The following RNF149 variants were observed in gnomAD, a reference collection of about 807,000 sequenced individuals.
RNF149 encodes the protein E3 ubiquitin-protein ligase RNF149.
RNF149 carries 21 observed loss-of-function variants against 39.0 expected under a neutral mutation model. The observed-to-expected ratio is 0.54, with a 90% confidence interval of 0.38 to 0.77. RNF149 has a LOEUF of 0.77. RNF149 is among the 30% of genes least tolerant of loss of function. RNF149 has a pLI of 0.00. For missense variants in RNF149, 493 were observed against 534.9 expected (o/e 0.92, Z 0.77); for synonymous variants, 209 against 213.6 (o/e 0.98, Z 0.19).
At chr2:101,280,521 C>T (rs181537227) in intron 6 of RNF149, among the ~76,000 whole-genome samples, 1 of 152,096 alleles carries the variant, frequency 6.6e-6, no homozygotes, top group Admixed American at 6.5e-5. Context: ...CTTTACAATC[C>T]TAACATAAGA....
intron 1 of RNF149, among the ~76,000 whole-genome samples, chr2:101,295,635 C>T (rs538115002): frequency 3.4e-5 from 5 of 145,220 alleles, no homozygotes; most frequent in Middle Eastern, 3.8e-3. Context: ...CACTCCAGCC[C>T]GGGCGACAGT....
At chr2:101,299,528 T>C (rs977852793) in intron 1 of RNF149, among the ~76,000 whole-genome samples, 1 of 152,224 alleles carries the variant, frequency 6.6e-6, no homozygotes, top group African/African-American at 2.4e-5. Flanking sequence ...GATGGTTATA[T>C]CTGATATAAC....
intron 1 of RNF149, among the ~76,000 whole-genome samples, chr2:101,300,380 G>C (rs1226233322): frequency 6.6e-6 from 1 of 152,184 alleles, no homozygotes; most frequent in Non-Finnish European, 1.5e-5. Flanking sequence ...CTCAAGGCTG[G>C]GGGTGGGGGA....
intron 5 of RNF149, 38 bp from the exon 6 acceptor site, chr2:101,282,095 C>T (rs750990141): frequency 2.5e-6 from 4 of 1,595,906 alleles, no homozygotes; most frequent in Non-Finnish European, 3.4e-6. Context: ...ATGATCAAAG[C>T]TTAAAACATG....
At chr2:101,306,836 C>G (rs1039369723) in intron 1 of RNF149, among the ~76,000 whole-genome samples, 10 of 152,190 alleles carry the variant, frequency 6.6e-5, no homozygotes, top group African/African-American at 2.4e-4. Flanking sequence ...TTTCTGTCCT[C>G]ACTTCACTGT....
chr2:101,295,128 A>G lies in RNF149; in HGVS notation c.514T>C (p.Leu172=), dbSNP rs775431524. Residue 172 remains leucine, a synonymous_variant, in exon 2 of 7, where the codon TTG becomes CTG. Transcript: ENST00000295317. ...MISYPKGREI[L]ELVQKGIPVT... ...GGAATTCCTTTTTGCACCAGCTCCA[A>G]AATTTCTCTTCCTTTTGGATAGCTA... The G allele has an allele frequency of 1.2e-6, 2 of 1,614,132 alleles. No individual in the cohort carries two copies. Among genetic ancestry groups the G allele is most frequent in the Non-Finnish European group, 1.7e-6 (2 of 1,179,960 alleles).
intron 1 of RNF149, among the ~76,000 whole-genome samples, chr2:101,297,030 G>A (rs1339129271): frequency 6.6e-6 from 1 of 152,082 alleles, no homozygotes; most frequent in South Asian, 2.1e-4. Context: ...CCAAAATGGC[G>A]AAACCCCGTC....
At chr2:101,296,490 A>G (rs1354796902) in intron 1 of RNF149, among the ~76,000 whole-genome samples, 1 of 152,244 alleles carries the variant, frequency 6.6e-6, no homozygotes, top group Non-Finnish European at 1.5e-5. Flanking sequence ...TAATTAAAAC[A>G]TTGTGGCTGT....
chr2:101,295,842 T>C (rs1683211633), intron 1 of RNF149, among the ~76,000 whole-genome samples: 1 of 149,478 alleles, frequency 6.7e-6, no homozygotes, highest in African/African-American at 2.5e-5. Context: ...CAAACATTAG[T>C]AATAAACAAC....
downstream of RNF149, among the ~76,000 whole-genome samples, chr2:101,275,109 C>CTTTTTT (rs1323054424): frequency 4.9e-5 from 4 of 82,464 alleles, no homozygotes; most frequent in South Asian, 4.3e-4. Flanking sequence ...CCTAGTATTT[C>CTTTTTT]TGTTTTTTTT....
intron 1 of RNF149, among the ~76,000 whole-genome samples, chr2:101,305,962 T>C (rs1403853583): frequency 1.3e-5 from 2 of 152,186 alleles, no homozygotes; most frequent in African/African-American, 4.8e-5. Flanking sequence ...CTTTAAATTG[T>C]TTCGTTGGTC....
intron 1 of RNF149, chr2:101,307,918 A>G (rs915829941): frequency 2.0e-6 from 2 of 985,342 alleles, no homozygotes; most frequent in East Asian, 1.1e-4. Context: ...AAAGGCGAAG[A>G]TCACATCTTG....
At chr2:101,275,432 T>C (rs1279155843), downstream of RNF149, among the ~76,000 whole-genome samples, 78 of 10,338 alleles carry the variant, frequency 7.5e-3, no homozygotes, top group Admixed American at 0.011. Context: ...CTAGTATTTC[T>C]TTTTTTTTTT....
chr2:101,295,096 C>T lies in RNF149; in HGVS notation c.546G>A (p.Thr182=), dbSNP rs757198854. ...LELVQKGIPV[T]MTIGVGTRHV... Reference sequence around the variant, plus strand: ...GCCGGGTGCCAACCCCTATGGTCATCGTTACTGGAATTCCTTTTTGCACCA... The same window carrying T: ...GCCGGGTGCCAACCCCTATGGTCATTGTTACTGGAATTCCTTTTTGCACCA... Residue 182 remains threonine, a synonymous_variant, in exon 2 of 7, where the codon ACG becomes ACA. Coordinates refer to ENST00000295317, the MANE Select transcript of RNF149 (RefSeq NM_173647.4). The T allele has an allele frequency of 7.2e-5, 117 of 1,614,046 alleles. No individual in the cohort carries two copies. The highest frequency in any genetic ancestry group is 1.6e-4 in the Middle Eastern group (1 of 6,084).
chr2:101,304,145 C>T (rs565478848), intron 1 of RNF149, among the ~76,000 whole-genome samples: 2 of 152,148 alleles, frequency 1.3e-5, no homozygotes, highest in South Asian at 2.1e-4. Context: ...GCTTACACTC[C>T]CAGCACTGTG....
chr2:101,283,345 G>C lies in RNF149; in HGVS notation c.961-1288C>G, dbSNP rs559957396. Among the ~76,000 whole-genome samples, 4 of 152,300 alleles carry C rather than the reference G, an allele frequency of 2.6e-5. No individual in the cohort carries two copies. The South Asian group carries it at 8.3e-4, about 32-fold the overall frequency. ...TCTTACTCATCTTTGTCTCCCCAGA[G>C]CCAAGTGCAGATCTAGCACCTTAGA... is the stretch of plus-strand genomic sequence containing the variant. On this transcript the variant is annotated intron_variant, in intron 5 of 6. Coordinates refer to ENST00000295317, the MANE Select transcript of RNF149 (RefSeq NM_173647.4).
At chr2:101,299,365 G>A (rs1325330485) in intron 1 of RNF149, among the ~76,000 whole-genome samples, 1 of 152,130 alleles carries the variant, frequency 6.6e-6, no homozygotes, top group Non-Finnish European at 1.5e-5. Context: ...CCTATCATCT[G>A]ATGACCTGCC....
chr2:101,292,991 T>A (rs992191354), intron 3 of RNF149, among the ~76,000 whole-genome samples: 4 of 140,236 alleles, frequency 2.9e-5, no homozygotes, highest in Non-Finnish European at 6.3e-5. Flanking sequence ...TTTTTTTTTT[T>A]ACTTTTTCTG....
intron 6 of RNF149, among the ~76,000 whole-genome samples, chr2:101,277,798 T>G (rs1365785632): frequency 6.6e-6 from 1 of 152,226 alleles, no homozygotes; most frequent in South Asian, 2.1e-4. Flanking sequence ...TTTCTAGCAT[T>G]AGCCTAGCCA....
Sources: allele counts gnomAD v4.1 joint callset (sites outside exome capture counted in the v4.1 genomes callset), GRCh38; gene constraint gnomAD v4.1.1; transcripts MANE v1.5; gene names NCBI Gene and HGNC (gene_info 2026-07-23, HGNC 2026-07-21).